The following GRID2 variants were observed in gnomAD, a reference collection of about 807,000 sequenced individuals.
GRID2 encodes the protein glutamate receptor ionotropic, delta-2.
GRID2 carries 33 observed loss-of-function variants against 114.8 expected under a neutral mutation model. That is an observed-to-expected ratio of 0.29 (90% confidence interval 0.22 to 0.38). The LOEUF (loss-of-function observed/expected upper bound fraction) is 0.38. Ranked by LOEUF, GRID2 falls within the 10% of genes least tolerant of loss-of-function variation. The pLI is 1.00. For missense variants in GRID2, 1,184 were observed against 1,257.7 expected, an observed-to-expected ratio of 0.94 and a Z score of 0.89; for synonymous variants, 505 against 449.9, an observed-to-expected ratio of 1.12 and a Z score of -1.55.
At chr4:93,389,814 A>G (rs1277761642) in intron 8 of GRID2, among the ~76,000 whole-genome samples, 1 of 146,854 alleles carries the variant, frequency 6.8e-6, no homozygotes, top group African/African-American at 2.5e-5. Flanking sequence ...TTTTTTTGAG[A>G]CAGTCTTGCT....
chr4:92,453,606 T>G (rs1721061416), intron 1 of GRID2, among the ~76,000 whole-genome samples: 1 of 152,162 alleles, frequency 6.6e-6, no homozygotes, highest in South Asian at 2.1e-4. Context: ...TTTCTTTCAT[T>G]TATGTTTTAA....
At chr4:93,329,808 T>C in intron 8 of GRID2, among the ~76,000 whole-genome samples, 1 of 152,044 alleles carries the variant, frequency 6.6e-6, no homozygotes, top group Non-Finnish European at 1.5e-5. Flanking sequence ...GGCAAGACAT[T>C]GGGTATCTGA....
At chr4:92,987,084 T>C (rs778432421) in intron 2 of GRID2, among the ~76,000 whole-genome samples, 10 of 152,236 alleles carry the variant, frequency 6.6e-5, no homozygotes, top group Non-Finnish European at 1.0e-4. Flanking sequence ...TTATTGTGTC[T>C]ATTTATAACT....
intron 8 of GRID2, among the ~76,000 whole-genome samples, chr4:93,301,291 A>G (rs1006528498): frequency 1.3e-5 from 2 of 152,208 alleles, no homozygotes; most frequent in African/African-American, 4.8e-5. Context: ...AATTTATCTA[A>G]ACTAGTCTTT....
At chr4:92,486,759 T>C (rs1722917887) in intron 1 of GRID2, among the ~76,000 whole-genome samples, 1 of 151,772 alleles carries the variant, frequency 6.6e-6, no homozygotes, top group African/African-American at 2.4e-5. Context: ...CAAATAAAAA[T>C]AGATAAAGGA....
chr4:93,332,125 A>C (rs1239071159), intron 8 of GRID2, among the ~76,000 whole-genome samples: 1 of 152,126 alleles, frequency 6.6e-6, no homozygotes. Context: ...CAACGATAGT[A>C]ACTATAAGAA....
At chr4:92,945,066 T>C (rs1371469557) in intron 2 of GRID2, among the ~76,000 whole-genome samples, 7 of 152,180 alleles carry the variant, frequency 4.6e-5, no homozygotes, top group Non-Finnish European at 1.0e-4. Context: ...ATATTTCTGA[T>C]AACTAAGTTT....
chr4:92,590,110 G>T, intron 1 of GRID2, 21 bp from the exon 2 acceptor site: 1 of 1,562,192 alleles, frequency 6.4e-7, no homozygotes, highest in Non-Finnish European at 8.8e-7. Context: ...TTATTTAATG[G>T]CAAAATTCAC....
intron 2 of GRID2, among the ~76,000 whole-genome samples, chr4:92,611,080 G>A (rs13121439): frequency 2.2e-5 from 3 of 136,268 alleles, no homozygotes; most frequent in African/African-American, 7.6e-5. Flanking sequence ...ATATATATAT[G>A]TGTGTATATA....
chr4:93,190,813 A>G (rs1447449552), intron 4 of GRID2, among the ~76,000 whole-genome samples: 1 of 152,068 alleles, frequency 6.6e-6, no homozygotes, highest in Non-Finnish European at 1.5e-5. Flanking sequence ...GGTCTTTGAC[A>G]TAATTCTTTT....
At chr4:93,746,775 A>G (rs112008456) in intron 14 of GRID2, among the ~76,000 whole-genome samples, 2,959 of 152,178 alleles carry the variant, frequency 0.019, 48 homozygotes, top group South Asian at 0.031. Flanking sequence ...TAGTCAGGCT[A>G]TTTAATTTGC....
intron 8 of GRID2, among the ~76,000 whole-genome samples, chr4:93,264,165 C>T (rs1469311047): frequency 6.6e-6 from 1 of 152,108 alleles, no homozygotes; most frequent in Non-Finnish European, 1.5e-5. Flanking sequence ...CTCATTGACA[C>T]GTGCAAAGAA....
intron 13 of GRID2, among the ~76,000 whole-genome samples, chr4:93,591,539 G>A (rs141768100): frequency 2.0e-4 from 30 of 152,114 alleles, no homozygotes; most frequent in African/African-American, 5.1e-4. Context: ...TGTCTCTGCC[G>A]GGCTTTGGTA....
chr4:93,511,333 C>T (rs1306078540), intron 12 of GRID2, among the ~76,000 whole-genome samples: 1 of 152,176 alleles, frequency 6.6e-6, no homozygotes, highest in African/African-American at 2.4e-5. Context: ...TTTATTTTCA[C>T]AGAATTGCCT....
At chr4:92,821,289 G>T in intron 2 of GRID2, among the ~76,000 whole-genome samples, 1 of 152,078 alleles carries the variant, frequency 6.6e-6, no homozygotes, top group East Asian at 1.9e-4. Context: ...AAATTAGGAT[G>T]GTCAGCGCCT....
intron 4 of GRID2, among the ~76,000 whole-genome samples, chr4:93,194,766 A>C (rs2149451536): frequency 6.6e-6 from 1 of 152,302 alleles, no homozygotes; most frequent in South Asian, 2.1e-4. Context: ...TCTCAAAATC[A>C]TTCCCTGAAC....
intron 8 of GRID2, among the ~76,000 whole-genome samples, chr4:93,240,758 G>T (rs1747410179): frequency 1.3e-5 from 2 of 149,048 alleles, no homozygotes; most frequent in African/African-American, 2.4e-5. Flanking sequence ...CTATCTAGAA[G>T]TTTTTTTTTT....
chr4:92,935,039 G>T (rs1411734815), intron 2 of GRID2, among the ~76,000 whole-genome samples: 4 of 146,386 alleles, frequency 2.7e-5, no homozygotes, highest in African/African-American at 9.7e-5. Flanking sequence ...TTGACAAATG[G>T]GATCTAATTA....
At chr4:93,233,692 G>C (rs1391231760) in intron 7 of GRID2, among the ~76,000 whole-genome samples, 2 of 152,054 alleles carry the variant, frequency 1.3e-5, no homozygotes, top group Non-Finnish European at 2.9e-5. Flanking sequence ...ATTATCCCAT[G>C]CTTGCCAAGT....
Sources: allele counts gnomAD v4.1 joint callset (sites outside exome capture counted in the v4.1 genomes callset), GRCh38; gene constraint gnomAD v4.1.1; transcripts MANE v1.5; gene names NCBI Gene and HGNC (gene_info 2026-07-23, HGNC 2026-07-21).